Variants in MAT1A observed in about 807,000 individuals in gnomAD.
MAT1A encodes S-adenosylmethionine synthase isoform type-1.
Under a neutral mutation model 44.0 loss-of-function variants are expected in MAT1A, and 19 were observed. That is an observed-to-expected ratio of 0.43 (90% CI 0.30 to 0.63). The LOEUF is 0.63. Among genes scored for constraint, MAT1A ranks in the 30% least tolerant of loss-of-function variants. MAT1A has a pLI of 0.12. For missense variants in MAT1A, 397 were observed against 531.0 expected, an observed-to-expected ratio of 0.75 and a Z score of 2.48; for synonymous variants, 205 against 205.6, an observed-to-expected ratio of 1.00 and a Z score of 0.03.
intron 2 of MAT1A, among the ~76,000 whole-genome samples, chr10:80,284,507 G>T (rs1364179456): frequency 2.0e-5 from 3 of 152,188 alleles, no homozygotes; most frequent in African/African-American, 7.2e-5. Flanking sequence ...TATTTACAAA[G>T]ATATAAGGGT....
At chr10:80,284,215 T>A (rs941265855) in intron 2 of MAT1A, among the ~76,000 whole-genome samples, 177 bp from the exon 3 acceptor site, 1 of 152,236 alleles carries the variant, frequency 6.6e-6, no homozygotes, top group Non-Finnish European at 1.5e-5. Context: ...CACCAAGCAC[T>A]GAGCATCTTC....
At chr10:80,287,831 A>C (rs904774367) in intron 1 of MAT1A, among the ~76,000 whole-genome samples, 7 of 152,022 alleles carry the variant, frequency 4.6e-5, no homozygotes, top group African/African-American at 1.7e-4. Flanking sequence ...CACATAAAAA[A>C]CTCAATTCAA....
rs2132699052 is a variant in MAT1A at position 80,272,029 on chromosome 10, T to C, written c.*1752A>G. ...CTCCCTCCCTCCATGGGAAGGAATC[T>C]GAGGCTTCCTAGGTGACCAGGAGCC... is the stretch of plus-strand genomic sequence containing the variant. On this transcript the variant is annotated 3_prime_UTR_variant, in exon 9 of 9. Coordinates refer to ENST00000372213, the MANE Select transcript of MAT1A (RefSeq NM_000429.3). 6.6e-6 allele frequency: 1 copy of C among 152,282 alleles called. No individual in the cohort carries two copies. The highest frequency in any genetic ancestry group is 1.9e-4 in the East Asian group (1 of 5,174). The allele number at this position is 152,282 out of a possible 1,614,324, so 9.4% of individuals were successfully genotyped here.
At chr10:80,285,107 C>T (rs1371517522) in intron 2 of MAT1A, among the ~76,000 whole-genome samples, 1 of 152,148 alleles carries the variant, frequency 6.6e-6, no homozygotes, top group Non-Finnish European at 1.5e-5. Context: ...ACAAAGGCTC[C>T]TACAATGAGG....
At chr10:80,285,119 T>G (rs7072119) in intron 2 of MAT1A, among the ~76,000 whole-genome samples, 5,994 of 152,264 alleles carry the variant, frequency 0.039, 411 homozygotes, top group African/African-American at 0.14. Flanking sequence ...ACAATGAGGA[T>G]GCAGCTTATA....
At chr10:80,286,773 C>G (rs1413837731) in intron 1 of MAT1A, among the ~76,000 whole-genome samples, 1 of 152,216 alleles carries the variant, frequency 6.6e-6, no homozygotes, top group Non-Finnish European at 1.5e-5. Flanking sequence ...TACCCACAGT[C>G]TGCTCTTAAT....
In MAT1A at chr10:80,284,181, G is replaced by A. The variant is rs1297581599; in HGVS notation, c.170-143C>T. Reference sequence around the variant, plus strand: ...TGGATTCCAGAAGGAAAATAGAAACGCCAATAAAAAGAAAAAATCCCAGCA... The same window carrying A: ...TGGATTCCAGAAGGAAAATAGAAACACCAATAAAAAGAAAAAATCCCAGCA... On this transcript the variant is annotated intron_variant, in intron 2 of 8. Transcript: ENST00000372213. 2.1e-5 allele frequency: 23 copies of A among 1,098,824 alleles called. No homozygotes were observed. The Admixed American group carries it at 3.4e-4, about 16-fold the overall frequency. 68.1% of individuals were successfully genotyped at this position (1,098,824 alleles called of 1,614,324 possible). A position where few individuals can be genotyped will look rare whatever the true frequency, so the allele number is the denominator to read the frequency against.
At chr10:80,289,297 G>A in intron 1 of MAT1A, 36 bp downstream of exon 1, 1 of 1,549,884 alleles carries the variant, frequency 6.5e-7, no homozygotes, top group Non-Finnish European at 8.9e-7. Context: ...GGCTTGGAAT[G>A]ATCGTTTTCC....
At chr10:80,286,835 T>C (rs1227016897) in intron 1 of MAT1A, among the ~76,000 whole-genome samples, 2 of 152,254 alleles carry the variant, frequency 1.3e-5, no homozygotes, top group Non-Finnish European at 2.9e-5. Flanking sequence ...GCAGTTTGGC[T>C]CTCAAAAGCA....
At chr10:80,274,313 G>A (rs1473285542) in intron 8 of MAT1A, among the ~76,000 whole-genome samples, 1 of 152,204 alleles carries the variant, frequency 6.6e-6, no homozygotes, top group East Asian at 1.9e-4. Flanking sequence ...GGTGTTGACT[G>A]GGCCAGCAGG....
chr10:80,287,959 G>A (rs1841668227), intron 1 of MAT1A, among the ~76,000 whole-genome samples: 2 of 152,152 alleles, frequency 1.3e-5, no homozygotes, highest in Admixed American at 1.3e-4. Flanking sequence ...ATACATGGCA[G>A]TAGCACCTTA....
intron 1 of MAT1A, among the ~76,000 whole-genome samples, chr10:80,286,532 A>C (rs1480916181): frequency 1.3e-5 from 2 of 152,088 alleles, no homozygotes; most frequent in Non-Finnish European, 2.9e-5. Flanking sequence ...GCTGGGCTTG[A>C]CCTCTTCAAT....
chr10:80,276,426 T>C lies in MAT1A; in HGVS notation c.718A>G (p.Thr240Ala). The change falls in exon 6 of 9, where the codon ACC becomes GCC. Residue 240 changes from threonine to alanine, a missense_variant. By Grantham distance (58) the Thr-to-Ala change is moderately conservative. Coordinates refer to ENST00000372213, the MANE Select transcript of MAT1A (RefSeq NM_000429.3). The part of the protein sequence containing the change: ...VVPAKYLDED[T>A]VYHLQPSGRF... ...CCACTGGGCTGCAGGTGGTAGACGG[T>C]GTCTTCGTCCAGGTACTTGGCCGGC... 6.2e-7 allele frequency: 1 copy of C among 1,614,160 alleles called. No individual in the cohort carries two copies. The highest frequency in any genetic ancestry group is 8.5e-7 in the Non-Finnish European group (1 of 1,180,038).
chr10:80,279,537 G>A (rs890811490), intron 5 of MAT1A, among the ~76,000 whole-genome samples: 7 of 152,074 alleles, frequency 4.6e-5, no homozygotes, highest in African/African-American at 1.7e-4. Context: ...GGTTAAGCAG[G>A]GAGGGGATAC....
rs10694757 is a variant in MAT1A at position 80,289,495 on chromosome 10, T to TTTCTTCTTC, written c.-81_-73dup. ...GGCTGTGACTTTGCCTGAGTTTTTT[T>TTTCTTCTTC]TTCTTCTTCTTCTTCTTCTTTCAAC... is the stretch of plus-strand genomic sequence containing the variant. On this transcript the variant is annotated 5_prime_UTR_variant, in exon 1 of 9. Transcript: ENST00000372213. 2.5e-3 allele frequency: 2,125 copies of TTTCTTCTTC among 864,102 alleles called. 6 individuals are homozygous for TTTCTTCTTC. The highest frequency in any genetic ancestry group is 7.1e-3 in the African/African-American group (415 of 58,642). 53.5% of individuals were successfully genotyped at this position (864,102 alleles called of 1,614,324 possible).
chr10:80,281,366 T>C (rs1044836232), intron 3 of MAT1A, among the ~76,000 whole-genome samples: 1 of 151,864 alleles, frequency 6.6e-6, no homozygotes, highest in African/African-American at 2.4e-5. Context: ...CTGGGGCAAA[T>C]GGAAAAGCCA....
Position 80,280,328 on chromosome 10 carries a change from G to C in MAT1A, c.406-12C>G. 1.9e-6 allele frequency: 3 copies of C among 1,613,694 alleles called. No individual in the cohort carries two copies. The South Asian group carries it at 3.3e-5, about 18-fold the overall frequency. ...CCGAACATCAAACCCTGTGGCGAGA[G>C]AGCAGGCTGAGCGGCGCCCACCCTA... On this transcript the variant is annotated splice_polypyrimidine_tract_variant and intron_variant, in intron 4 of 8. Transcript: ENST00000372213.
intron 8 of MAT1A, among the ~76,000 whole-genome samples, 184 bp downstream of exon 8, chr10:80,274,336 C>A (rs186078305): frequency 6.6e-6 from 1 of 152,326 alleles, no homozygotes; most frequent in East Asian, 1.9e-4. Context: ...CCTGGGGCAG[C>A]CTCCTTTAAC....
chr10:80,289,280 C>A, intron 1 of MAT1A, 53 bp downstream of exon 1: 1 of 1,405,720 alleles, frequency 7.1e-7, no homozygotes. Flanking sequence ...GTGACTCCCT[C>A]AGTATAGGCT....
Sources: allele counts gnomAD v4.1 joint callset (sites outside exome capture counted in the v4.1 genomes callset), GRCh38; gene constraint gnomAD v4.1.1; transcripts MANE v1.5; gene names NCBI Gene and HGNC (gene_info 2026-07-23, HGNC 2026-07-21).